The following PANX2 variants were observed in gnomAD, a reference collection of about 807,000 sequenced individuals.
PANX2 encodes pannexin-2.
In PANX2, 30 loss-of-function variants were observed where a neutral mutation model predicts 38.7. That is an observed-to-expected ratio of 0.78 (90% CI 0.58 to 1.05). The LOEUF (loss-of-function observed/expected upper bound fraction) is 1.05. Ranked by LOEUF, PANX2 falls within the 50% of genes least tolerant of loss-of-function variation. The probability of loss-of-function intolerance (pLI) is 0.00; values close to 1 mark genes in which losing one functional copy is unlikely to be tolerated. For synonymous variants in PANX2, 539 were observed against 472.1 expected (o/e 1.14, Z -1.84); for missense variants, 880 against 979.3 (o/e 0.90, Z 1.35).
chr22:50,179,516 T>C lies in PANX2; in HGVS notation c.*239T>C. 1.9e-6 allele frequency: 1 copy of C among 536,748 alleles called. No individual in the cohort carries two copies. Among genetic ancestry groups the C allele is most frequent in the Non-Finnish European group, 3.3e-6 (1 of 303,150 alleles). 33.2% of individuals were successfully genotyped at this position (536,748 alleles called of 1,614,324 possible). On this transcript the variant is annotated 3_prime_UTR_variant, in exon 3 of 3. Coordinates refer to ENST00000395842, the MANE Select transcript of PANX2 (RefSeq NM_052839.4). ...GGGAAAGGTGGCCCAGTGGAGCCGG[T>C]GGCCAGGAAGGCTGAAGCCCGCTTC... is the stretch of plus-strand genomic sequence containing the variant.
rs147532885 is a variant in PANX2, at chr22:50,178,434, G to A, written c.1690+32G>A. ...GCAGGGCCGGAGAGAGGGGACGGGG[G>A]ACTGGGGGTGGGAGAGGCGCCCACA... On this transcript the variant is annotated intron_variant, in intron 2 of 2. Transcript: ENST00000395842. The A allele has an allele frequency of 5.7e-3, 7,590 of 1,340,206 alleles. 28 individuals carry two copies. Among genetic ancestry groups the A allele is most frequent in the Non-Finnish European group, 6.6e-3 (6,884 of 1,036,254 alleles). 83.0% of individuals were successfully genotyped at this position (1,340,206 alleles called of 1,614,324 possible).
intron 1 of PANX2, chr22:50,175,617 C>T (rs775236417): frequency 5.7e-4 from 205 of 359,610 alleles, no homozygotes; most frequent in Non-Finnish European, 8.5e-4. Flanking sequence ...CCAGCTTTTC[C>T]TGCCTCTTCC....
chr22:50,178,272 C>T lies in PANX2; in HGVS notation c.1560C>T (p.Tyr520=). 3.9e-6 allele frequency: 6 copies of T among 1,522,512 alleles called. No homozygotes were observed. Among genetic ancestry groups the T allele is most frequent in the Non-Finnish European group, 5.3e-6 (6 of 1,139,256 alleles). The allele number at this position is 1,522,512 out of a possible 1,614,324, so 94.3% of individuals were successfully genotyped here. A position where few individuals can be genotyped will look rare whatever the true frequency, so the allele number is the denominator to read the frequency against. ...ACTTCTCCCTGGACGTGCACCCCTA[C>T]ATCCTCGGCACCAAGAAGGCCAAGG... ...ARHFSLDVHP[Y]ILGTKKAKAE... Residue 520 remains tyrosine (Y), a synonymous_variant, in exon 2 of 3, where the codon TAC becomes TAT. Transcript: ENST00000395842.
In PANX2 at chr22:50,177,966, C is replaced by T. The variant is rs747431874; in HGVS notation, c.1254C>T (p.Ala418=). Residue 418 remains alanine, a synonymous_variant, in exon 2 of 3, where the codon GCC becomes GCT. Transcript: ENST00000395842. ...SANPAEPDGA[A]EPPVVKRPRK... ...ACCCCGCCGAGCCCGACGGCGCCGC[C>T]GAGCCGCCCGTGGTCAAGCGGCCGC... is the stretch of plus-strand genomic sequence containing the variant. 194 of 1,533,792 alleles carry T rather than the reference C, an allele frequency of 1.3e-4. No homozygotes were observed. Among genetic ancestry groups the T allele is most frequent in the Non-Finnish European group, 1.5e-4 (177 of 1,144,588 alleles).
Position 50,179,430 on chromosome 22 carries a change from G to T in PANX2, c.*153G>T. On this transcript the variant is annotated 3_prime_UTR_variant, in exon 3 of 3. Coordinates refer to ENST00000395842, the MANE Select transcript of PANX2 (RefSeq NM_052839.4). ...CTCTGTCCGCATGCCTGGGGCCTTC[G>T]CCCCCACGTGCTCGACAGGGGAACC... 1 of 693,786 alleles carries T rather than the reference G, an allele frequency of 1.4e-6. No homozygotes were observed. Among genetic ancestry groups the T allele is most frequent in the South Asian group, 1.9e-5 (1 of 52,696 alleles). 43.0% of individuals were successfully genotyped at this position (693,786 alleles called of 1,614,324 possible). A position where few individuals can be genotyped will look rare whatever the true frequency, so the allele number is the denominator to read the frequency against.
At position 50,172,950 on chromosome 22, in the gene PANX2, A is replaced by G. The variant is rs556103306; in HGVS notation, c.226+1994A>G. On this transcript the variant is annotated intron_variant, in intron 1 of 2. Transcript: ENST00000395842. ...CTCGCTCTGTCACCCAGGCTGGAGT[A>G]TAGTGGCGCGATCTCTGCTCACTGC... Among the ~76,000 whole-genome samples the G allele has an allele frequency of 3.7e-3, 516 of 138,248 alleles. 4 individuals carry two copies. The highest frequency in any genetic ancestry group is 0.012 in the South Asian group (49 of 4,072). The allele number at this position is 138,248 out of a possible 152,430, so 90.7% of individuals were successfully genotyped here. A position where few individuals can be genotyped will look rare whatever the true frequency, so the allele number is the denominator to read the frequency against.
Position 50,178,938 on chromosome 22 carries a change from T to C in PANX2, c.1695T>C (p.Ala565=). Residue 565 remains alanine, a synonymous_variant, in exon 3 of 3, where the codon GCT becomes GCC. Coordinates refer to ENST00000395842, the MANE Select transcript of PANX2 (RefSeq NM_052839.4). ...TGTGCTCTTGGCTGTTTGCAGATGC[T>C]CCGCTCCCCGAGAAGGAAATCCCGT... The part of the protein sequence containing the change: ...LGLAPAPIKD[A]PLPEKEIPYP... 1.3e-6 allele frequency: 2 copies of C among 1,567,074 alleles called. No individual in the cohort carries two copies. Among genetic ancestry groups the C allele is most frequent in the Non-Finnish European group, 1.7e-6 (2 of 1,154,674 alleles).
Position 50,178,154 on chromosome 22 carries a change from CCCA to C in PANX2, c.1447_1449del (p.His483del). ...ATCGCGCCGCTGCTGGACCGCTCCG[CCCA>C]CCACTACAAGGGCGGAGGGGGCGAC... On this transcript the variant is annotated inframe_deletion, in exon 2 of 3. Coordinates refer to ENST00000395842, the MANE Select transcript of PANX2 (RefSeq NM_052839.4). 1 of 1,518,466 alleles carries C rather than the reference CCCA, an allele frequency of 6.6e-7. No homozygotes were observed. The highest frequency in any genetic ancestry group is 8.8e-7 in the Non-Finnish European group (1 of 1,141,004). The allele number at this position is 1,518,466 out of a possible 1,614,324, so 94.1% of individuals were successfully genotyped here.
At position 50,176,973 on chromosome 22, in the gene PANX2, C is replaced by A; in HGVS notation, c.261C>A (p.Phe87Leu). Residue 87 changes from phenylalanine (F) to leucine (L), a missense_variant, in exon 2 of 3, where the codon TTC (phenylalanine) becomes TTA (leucine). Coordinates refer to ENST00000395842, the MANE Select transcript of PANX2 (RefSeq NM_052839.4). ...EPIYCYTPHN[F>L]TRDQALYARG... ...TTTACTGTTACACCCCGCACAACTT[C>A]ACGCGCGACCAGGCGCTGTACGCCC... 6.4e-7 allele frequency: 1 copy of A among 1,564,164 alleles called. No individual in the cohort carries two copies. The highest frequency in any genetic ancestry group is 8.6e-7 in the Non-Finnish European group (1 of 1,162,622).
At chr22:50,176,228 C>T (rs1053236459) in intron 1 of PANX2, among the ~76,000 whole-genome samples, 5 of 152,268 alleles carry the variant, frequency 3.3e-5, no homozygotes, top group African/African-American at 1.2e-4. Context: ...CAGAGACAGA[C>T]TCTTGAGGGA....
At chr22:50,178,505 G>T (rs2063678869) in intron 2 of PANX2, 103 bp downstream of exon 2, 1 of 757,908 alleles carries the variant, frequency 1.3e-6, no homozygotes, top group African/African-American at 1.9e-5. Context: ...AGGGAAGGGA[G>T]GGGGCCTGGC....
chr22:50,177,363 C>A lies in PANX2; in HGVS notation c.651C>A (p.Arg217=). 2.5e-6 allele frequency: 4 copies of A among 1,609,594 alleles called. No homozygotes were observed. The highest frequency in any genetic ancestry group is 1.3e-5 in the African/African-American group (1 of 74,978). The change falls in exon 2 of 3, where the codon CGC becomes CGA. Residue 217 remains arginine (R), a synonymous_variant. Transcript: ENST00000395842. ...QNLFEKYLER[R]GRSNFLAKLY... ...TGTTCGAGAAGTACCTGGAGCGCCG[C>A]GGCCGCAGCAACTTCCTGGCCAAGC... is the stretch of plus-strand genomic sequence containing the variant.
chr22:50,174,912 A>G (rs962065361), intron 1 of PANX2, among the ~76,000 whole-genome samples: 1 of 152,210 alleles, frequency 6.6e-6, no homozygotes, highest in Non-Finnish European at 1.5e-5. Context: ...TGAGTCCGTC[A>G]GGACCTGCTG....
intron 1 of PANX2, among the ~76,000 whole-genome samples, chr22:50,173,524 A>G (rs1442569664): frequency 6.6e-6 from 1 of 152,218 alleles, no homozygotes; most frequent in Non-Finnish European, 1.5e-5. Flanking sequence ...AGTACCCTCG[A>G]AGGTTGGGGG....
At chr22:50,175,451 C>T in intron 1 of PANX2, 1 of 1,300,446 alleles carries the variant, frequency 7.7e-7, no homozygotes, top group African/African-American at 1.5e-5. Flanking sequence ...TCTTCTCTGG[C>T]TCCTGGGATT....
chr22:50,177,827 A>G lies in PANX2; in HGVS notation c.1115A>G (p.Asp372Gly). ...CTGGACTTCATCACCAACGAGAGCG[A>G]CCTCATGTACGACAACGTGGTCCGG... Reference protein sequence around the residue: ...NRLDFITNESDLMYDNVVRQL... With the variant: ...NRLDFITNESGLMYDNVVRQL... The change falls in exon 2 of 3, where the codon GAC becomes GGC. Residue 372 changes from aspartate (D) to glycine (G), a missense_variant. Transcript: ENST00000395842. 6.3e-7 allele frequency: 1 copy of G among 1,597,538 alleles called. No individual in the cohort carries two copies. Among genetic ancestry groups the G allele is most frequent in the Non-Finnish European group, 8.5e-7 (1 of 1,178,430 alleles).
Position 50,178,294 on chromosome 22 carries a change from A to T in PANX2, c.1582A>T (p.Lys528Ter). The change falls in exon 2 of 3, where the codon AAG (lysine) becomes TAG (stop). Residue 528 changes from lysine to a stop codon, truncating the protein, a stop_gained. Coordinates refer to ENST00000395842, the MANE Select transcript of PANX2 (RefSeq NM_052839.4). LOFTEE classifies it high-confidence loss of function. ...HPYILGTKKAKAEAVPAALPA... is the reference protein window; with the variant it reads ...HPYILGTKKA ...CTACATCCTCGGCACCAAGAAGGCC[A>T]AGGCCGAGGCGGTGCCCGCCGCCCT... 6.7e-7 allele frequency: 1 copy of T among 1,485,116 alleles called. No homozygotes were observed. Among genetic ancestry groups the T allele is most frequent in the Non-Finnish European group, 9.0e-7 (1 of 1,116,962 alleles). The allele number at this position is 1,485,116 out of a possible 1,614,324, so 92.0% of individuals were successfully genotyped here. A position where few individuals can be genotyped will look rare whatever the true frequency, so the allele number is the denominator to read the frequency against.
intron 1 of PANX2, among the ~76,000 whole-genome samples, chr22:50,171,281 C>T (rs74978794): frequency 0.031 from 4,762 of 152,246 alleles, 239 homozygotes; most frequent in African/African-American, 0.11. Flanking sequence ...ACAAGCAGCG[C>T]CTGAGGGGAT....
intron 1 of PANX2, among the ~76,000 whole-genome samples, chr22:50,176,511 A>AG (rs1239245616): frequency 1.4e-5 from 2 of 145,070 alleles, no homozygotes; most frequent in Non-Finnish European, 3.1e-5. Context: ...CTCCCAGGGG[A>AG]GCCCGGGCTG....
Sources: allele counts gnomAD v4.1 joint callset (sites outside exome capture counted in the v4.1 genomes callset), GRCh38; gene constraint gnomAD v4.1.1; transcripts MANE v1.5; gene names NCBI Gene and HGNC (gene_info 2026-07-23, HGNC 2026-07-21).